Variants in CBLB observed in about 807,000 individuals in gnomAD.
CBLB encodes E3 ubiquitin-protein ligase CBL-B.
Under a neutral mutation model 104.9 loss-of-function variants are expected in CBLB, and 31 were observed. The observed-to-expected ratio is 0.30, with a 90% CI of 0.22 to 0.40. The LOEUF (loss-of-function observed/expected upper bound fraction) is 0.40, where lower values mean the gene tolerates loss of function less well. CBLB is among the 10% of genes least tolerant of loss of function. The pLI is 1.00. For synonymous variants in CBLB, 440 were observed against 422.6 expected, an observed-to-expected ratio of 1.04 and a Z score of -0.51; for missense variants, 1,062 against 1,214.6, an observed-to-expected ratio of 0.87 and a Z score of 1.87.
chr3:105,722,189 AC>A (rs1042273402), intron 9 of CBLB, among the ~76,000 whole-genome samples: 1 of 93,854 alleles, frequency 1.1e-5, no homozygotes, highest in African/African-American at 4.3e-5. Context: ...TAAGGGTAAG[AC>A]CCCGTGCCAA....
chr3:105,733,860 ATATATAGCAACT>A, intron 9 of CBLB, 137 bp downstream of exon 9: 1 of 642,796 alleles, frequency 1.6e-6, no homozygotes, highest in Non-Finnish European at 2.7e-6. Context: ...AAATCAAATT[ATATATAGCAACT>A]CAAACATATA....
At chr3:105,714,839 T>G (rs1210682392) in intron 10 of CBLB, among the ~76,000 whole-genome samples, 1 of 152,218 alleles carries the variant, frequency 6.6e-6, no homozygotes, top group Non-Finnish European at 1.5e-5. Flanking sequence ...GTATTTTAAT[T>G]GAAGAAGGCA....
At chr3:105,786,060 T>TCGG (rs1560233404) in intron 3 of CBLB, among the ~76,000 whole-genome samples, 5 of 3,150 alleles carry the variant, frequency 1.6e-3, no homozygotes, top group South Asian at 0.031. Flanking sequence ...TGTGAGAGGA[T>TCGG]CGGGGGGGGG....
chr3:105,708,206 T>C (rs974388645), intron 10 of CBLB, among the ~76,000 whole-genome samples: 5 of 152,092 alleles, frequency 3.3e-5, no homozygotes, highest in Admixed American at 2.0e-4. Context: ...CTACATGTGA[T>C]AGGTGATAAA....
Position 105,853,451 on chromosome 3 carries a change from CT to C in CBLB, c.381del (p.Gly128AlafsTer89). ...KSKRAIRLFK[E>X]GKERMYEEQS... Reference sequence around the variant, plus strand: ...TGTTCTTCATACATTCTCTCCTTGCCTTCTTTAAAGAGTCTTATTGCCCGTT... The same window carrying C: ...TGTTCTTCATACATTCTCTCCTTGCCTCTTTAAAGAGTCTTATTGCCCGTT... On this transcript the variant is annotated frameshift_variant, in exon 3 of 19. Transcript: ENST00000394030. LOFTEE classifies it high-confidence loss of function. The C allele has an allele frequency of 6.2e-7, 1 of 1,613,616 alleles. No individual in the cohort carries two copies. The highest frequency in any genetic ancestry group is 8.5e-7 in the Non-Finnish European group (1 of 1,179,712).
chr3:105,816,269 A>G (rs2085044892), intron 3 of CBLB, among the ~76,000 whole-genome samples: 1 of 152,210 alleles, frequency 6.6e-6, no homozygotes. Flanking sequence ...AAACCATGAA[A>G]TTAGTAAAAA....
intron 3 of CBLB, among the ~76,000 whole-genome samples, chr3:105,845,671 C>T (rs574123022): frequency 6.6e-6 from 1 of 152,130 alleles, no homozygotes; most frequent in Admixed American, 6.5e-5. Context: ...AAGTCCTTAA[C>T]AGTCAAAGAT....
In CBLB at chr3:105,681,716, A is replaced by C; in HGVS notation, c.2296+8T>G. ...TACATCACAAAGGAAATTATATTCT[A>C]TACGTACCCTTTAAATATATGCTTA... On this transcript the variant is annotated splice_region_variant and intron_variant, in intron 15 of 18. Transcript: ENST00000394030. 1 of 1,598,270 alleles carries C rather than the reference A, an allele frequency of 6.3e-7. No homozygotes were observed. The highest frequency in any genetic ancestry group is 1.1e-5 in the South Asian group (1 of 90,790).
chr3:105,827,710 G>C (rs950239137), intron 3 of CBLB, among the ~76,000 whole-genome samples: 3 of 152,134 alleles, frequency 2.0e-5, no homozygotes, highest in Non-Finnish European at 2.9e-5. Flanking sequence ...TCAAGAGACA[G>C]CACTCTGTTT....
rs571284977 is a variant in CBLB at position 105,797,249 on chromosome 3, G to C, written c.420-20707C>G. ...ACATATACACCATGGAATACTACAC[G>C]TCATAAAAAAGAATGAGGTCATGTT... On this transcript the variant is annotated intron_variant, in intron 3 of 18. Coordinates refer to ENST00000394030, the MANE Select transcript of CBLB (RefSeq NM_170662.5). 1.3e-3 allele frequency among the ~76,000 whole-genome samples: 201 copies of C among 152,256 alleles called. 8 individuals are homozygous for C. Among genetic ancestry groups the C allele is most frequent in the East Asian group, 1.9e-4 (1 of 5,190 alleles).
chr3:105,855,704 A>C (rs1453188479), intron 2 of CBLB, among the ~76,000 whole-genome samples: 1 of 152,224 alleles, frequency 6.6e-6, no homozygotes. Flanking sequence ...GAAGATAATC[A>C]AAGTATAAAA....
intron 9 of CBLB, among the ~76,000 whole-genome samples, chr3:105,733,372 A>AG (rs2074552805): frequency 6.6e-6 from 1 of 151,634 alleles, no homozygotes. Context: ...AAAAAAAAAA[A>AG]GGAAAGTCCT....
intron 6 of CBLB, among the ~76,000 whole-genome samples, chr3:105,742,853 C>T (rs991863563): frequency 3.9e-5 from 6 of 152,028 alleles, no homozygotes; most frequent in African/African-American, 1.4e-4. Context: ...TACTGAAATA[C>T]ATACTTGTGA....
At chr3:105,828,077 T>C (rs116091242) in intron 3 of CBLB, among the ~76,000 whole-genome samples, 3 of 152,292 alleles carry the variant, frequency 2.0e-5, no homozygotes, top group Non-Finnish European at 2.9e-5. Flanking sequence ...AGGCTCCTTC[T>C]CCCATCCCTG....
chr3:105,799,676 A>G (rs1325092478), intron 3 of CBLB, among the ~76,000 whole-genome samples: 1 of 152,152 alleles, frequency 6.6e-6, no homozygotes, highest in African/African-American at 2.4e-5. Flanking sequence ...GTTTTTTTAA[A>G]CATTCTCCTA....
chr3:105,662,051 TAAA>T (rs955249314), intron 18 of CBLB, among the ~76,000 whole-genome samples: 1 of 152,174 alleles, frequency 6.6e-6, no homozygotes, highest in African/African-American at 2.4e-5. Flanking sequence ...AGCAGAATAT[TAAA>T]AAGCAAGATC....
chr3:105,781,863 G>A (rs1290047193), intron 3 of CBLB, among the ~76,000 whole-genome samples: 1 of 152,112 alleles, frequency 6.6e-6, no homozygotes, highest in East Asian at 1.9e-4. Flanking sequence ...TTAAAAGCTA[G>A]AACATGCTCT....
chr3:105,851,968 G>C (rs1247006896), intron 3 of CBLB, among the ~76,000 whole-genome samples: 1 of 152,066 alleles, frequency 6.6e-6, no homozygotes, highest in Non-Finnish European at 1.5e-5. Flanking sequence ...CAAATCTACT[G>C]TGCCACCAGT....
At chr3:105,804,583 A>G (rs1488323385) in intron 3 of CBLB, among the ~76,000 whole-genome samples, 1 of 152,104 alleles carries the variant, frequency 6.6e-6, no homozygotes, top group Non-Finnish European at 1.5e-5. Context: ...TCCTGACATA[A>G]TATTTTAAAT....
Sources: allele counts gnomAD v4.1 joint callset (sites outside exome capture counted in the v4.1 genomes callset), GRCh38; gene constraint gnomAD v4.1.1; transcripts MANE v1.5; gene names NCBI Gene and HGNC (gene_info 2026-07-23, HGNC 2026-07-21).